The following CD4 variants were observed in gnomAD, a reference collection of about 807,000 sequenced individuals.
CD4 encodes the protein T-cell surface glycoprotein CD4.
Under a neutral mutation model 50.5 loss-of-function variants are expected in CD4, and 25 were observed. The observed-to-expected ratio is 0.49, with a 90% CI of 0.36 to 0.69. The LOEUF (loss-of-function observed/expected upper bound fraction) is 0.69, where lower values mean the gene tolerates loss of function less well. Among genes scored for constraint, CD4 ranks in the 30% least tolerant of loss-of-function variants. The pLI is 0.00. For missense variants in CD4, 456 were observed against 548.5 expected (o/e 0.83, Z 1.68); for synonymous variants, 207 against 221.9 (o/e 0.93, Z 0.60).
chr12:6,793,685 TATCTATCTATCTATC>T lies in CD4; in HGVS notation c.-68+4024_-68+4038del, dbSNP rs1565488122. 1.2e-4 allele frequency among the ~76,000 whole-genome samples: 12 copies of T among 101,476 alleles called. 1 individual carries two copies. Among genetic ancestry groups the T allele is most frequent in the African/African-American group, 4.8e-4 (12 of 25,230 alleles). The allele number at this position is 101,476 out of a possible 152,430, so 66.6% of individuals were successfully genotyped here. On this transcript the variant is annotated intron_variant, in intron 1 of 9. Coordinates refer to ENST00000011653, the MANE Select transcript of CD4 (RefSeq NM_000616.5). Reference sequence around the variant, plus strand: ...CTATCTATCTATCTATCTATCTATCTATCTATCTATCTATCTATCTTTTTTTTTTTTGAGACAAAA... The same window carrying T: ...CTATCTATCTATCTATCTATCTATCTTATCTTTTTTTTTTTTGAGACAAAA...
chr12:6,818,889 GAGA>G lies in CD4; in HGVS notation c.1328_1330del (p.Lys443del), dbSNP rs1555118567. On this transcript the variant is annotated inframe_deletion, in exon 9 of 10. Coordinates refer to ENST00000011653, the MANE Select transcript of CD4 (RefSeq NM_000616.5). The surrounding 1 kb of genome is among the most constrained non-coding windows in gnomAD (Gnocchi z 5.0). ...GTCTCAGATCAAGAGACTCCTCAGT[GAGA>G]AGAAGACCTGCCAGTGTCCTCAGTA... 3 of 1,593,830 alleles carry G rather than the reference GAGA, an allele frequency of 1.9e-6. No individual in the cohort carries two copies. Among genetic ancestry groups the G allele is most frequent in the African/African-American group, 1.4e-5 (1 of 73,992 alleles).
intron 3 of CD4, among the ~76,000 whole-genome samples, chr12:6,811,480 C>CTTTTCT (rs1942934709): frequency 7.2e-6 from 1 of 139,720 alleles, no homozygotes; most frequent in East Asian, 2.2e-4. Context: ...TTTCTTTTTT[C>CTTTTCT]TTTTCTTTTT....
At position 6,814,309 on chromosome 12, in the gene CD4, G is replaced by C; in HGVS notation, c.373+9G>C. ...ATTGCTAGTGTTCGGATGTGAGTGG[G>C]GCAGGTGGGGATGAGGATACCTCCT... On this transcript the variant is annotated intron_variant, in intron 4 of 9. Transcript: ENST00000011653. The C allele has an allele frequency of 6.2e-7, 1 of 1,612,346 alleles. No homozygotes were observed. The highest frequency in any genetic ancestry group is 1.1e-5 in the South Asian group (1 of 90,936).
intron 3 of CD4, among the ~76,000 whole-genome samples, chr12:6,808,489 T>A (rs10849522): frequency 0.14 from 18,368 of 127,372 alleles, 2,496 homozygotes; most frequent in African/African-American, 0.36. Context: ...AAAAGTGAAG[T>A]TTACCTTTTT....
chr12:6,809,890 C>CT (rs33952514), intron 3 of CD4, among the ~76,000 whole-genome samples: 6,708 of 125,908 alleles, frequency 0.053, 665 homozygotes, highest in African/African-American at 0.17. Context: ...GCCTATACCT[C>CT]TTTTTTTTTT....
At chr12:6,794,457 C>T (rs1415143106) in intron 1 of CD4, among the ~76,000 whole-genome samples, 10 of 151,614 alleles carry the variant, frequency 6.6e-5, no homozygotes, top group African/African-American at 2.4e-4. Flanking sequence ...CTGCAACCTC[C>T]GCCTCCCGGG....
rs1039185971 is a variant in CD4 at position 6,815,662 on chromosome 12, G to A, written c.608-394G>A. 32 of 1,162,668 alleles carry A rather than the reference G, an allele frequency of 2.8e-5. No individual in the cohort carries two copies. The African/African-American group carries it at 2.8e-4, about 10-fold the overall frequency. 72.0% of individuals were successfully genotyped at this position (1,162,668 alleles called of 1,614,324 possible). ...CGTATTAAGTTGAGGACTGATATAC[G>A]TAAGGCACTGAAAATGGTGCCTGGC... is the stretch of plus-strand genomic sequence containing the variant. On this transcript the variant is annotated intron_variant, in intron 5 of 9. Coordinates refer to ENST00000011653, the MANE Select transcript of CD4 (RefSeq NM_000616.5).
chr12:6,817,115 C>G lies in CD4; in HGVS notation c.956-15C>G. On this transcript the variant is annotated splice_polypyrimidine_tract_variant and intron_variant, in intron 6 of 9. Coordinates refer to ENST00000011653, the MANE Select transcript of CD4 (RefSeq NM_000616.5). ...AATCTCAGGCCTTTGATCTCAGCCT[C>G]TCGTTCCTCTGCAGCCACTCAGCTC... is the stretch of plus-strand genomic sequence containing the variant. 6.2e-7 allele frequency: 1 copy of G among 1,611,058 alleles called. No individual in the cohort carries two copies. The highest frequency in any genetic ancestry group is 1.1e-5 in the South Asian group (1 of 91,020).
intron 1 of CD4, among the ~76,000 whole-genome samples, chr12:6,796,936 C>T (rs1942391422): frequency 6.6e-6 from 1 of 152,210 alleles, no homozygotes; most frequent in East Asian, 1.9e-4. Flanking sequence ...CCTCCGAAGC[C>T]TCCTCGCACA....
At chr12:6,802,939 C>G (rs1455458728) in intron 3 of CD4, among the ~76,000 whole-genome samples, 4 of 151,928 alleles carry the variant, frequency 2.6e-5, no homozygotes, top group African/African-American at 9.7e-5. Flanking sequence ...TTCCACCATG[C>G]TAGCAGGATG....
chr12:6,814,433 C>T, intron 4 of CD4, 133 bp downstream of exon 4: 1 of 906,614 alleles, frequency 1.1e-6, no homozygotes, highest in African/African-American at 1.7e-5. Flanking sequence ...TCAAACTGGC[C>T]TCCAAATGTC....
At chr12:6,802,281 A>T (rs1942587868) in intron 3 of CD4, among the ~76,000 whole-genome samples, 1 of 151,516 alleles carries the variant, frequency 6.6e-6, no homozygotes, top group Non-Finnish European at 1.5e-5. Flanking sequence ...TCACTCAGAG[A>T]TATCCTCTGC....
Position 6,819,583 on chromosome 12 carries a change from T to G in CD4, c.*254T>G. ...TTCAAGCCTAGCCCTTCTCTCATTA[T>G]TTCTCTCTGACCCTCTCCCCACTGC... is the stretch of plus-strand genomic sequence containing the variant. On this transcript the variant is annotated 3_prime_UTR_variant, in exon 10 of 10. Coordinates refer to ENST00000011653, the MANE Select transcript of CD4 (RefSeq NM_000616.5). The G allele has an allele frequency of 1.8e-6, 1 of 542,790 alleles. No homozygotes were observed. Among genetic ancestry groups the G allele is most frequent in the Non-Finnish European group, 3.3e-6 (1 of 300,712 alleles). The allele number at this position is 542,790 out of a possible 1,614,324, so 33.6% of individuals were successfully genotyped here.
In CD4 at chr12:6,813,965, C is replaced by T. The variant is rs1299517960; in HGVS notation, c.215-177C>T. On this transcript the variant is annotated intron_variant, in intron 3 of 9. Transcript: ENST00000011653. ...TTGTATTTGTGAGCTACTGTCCCAG[C>T]CAGGTAAATGGATATGATGAGACCT... 5.0e-6 allele frequency: 3 copies of T among 597,382 alleles called. No homozygotes were observed. In the African/African-American group the frequency reaches 5.5e-5, roughly 11 times the overall value. 37.0% of individuals were successfully genotyped at this position (597,382 alleles called of 1,614,324 possible).
At chr12:6,807,856 G>A (rs1555116422) in intron 3 of CD4, among the ~76,000 whole-genome samples, 4 of 152,116 alleles carry the variant, frequency 2.6e-5, no homozygotes, top group African/African-American at 9.7e-5. Context: ...TGAGACGGGT[G>A]GATGGCTTGA....
chr12:6,798,695 T>A (rs1387152900), intron 1 of CD4, among the ~76,000 whole-genome samples: 1 of 152,226 alleles, frequency 6.6e-6, no homozygotes, highest in African/African-American at 2.4e-5. Flanking sequence ...TCACGCTGTA[T>A]CAGGCCCCAA....
chr12:6,818,009 C>T lies in CD4; in HGVS notation c.1157-412C>T, dbSNP rs782300222. Reference sequence around the variant, plus strand: ...ACGCGCGCGCACATGCATGCAGTCACGCACACACATTCATACACGCACACA... The same window carrying T: ...ACGCGCGCGCACATGCATGCAGTCATGCACACACATTCATACACGCACACA... On this transcript the variant is annotated intron_variant, in intron 7 of 9. Transcript: ENST00000011653. The surrounding 1 kb of genome is among the most constrained non-coding windows in gnomAD (Gnocchi z 5.0). 3.9e-5 allele frequency among the ~76,000 whole-genome samples: 6 copies of T among 152,122 alleles called. No homozygotes were observed. Among genetic ancestry groups the T allele is most frequent in the East Asian group, 1.9e-4 (1 of 5,174 alleles).
chr12:6,818,163 A>C lies in CD4; in HGVS notation c.1157-258A>C, dbSNP rs1440748900. Among the ~76,000 whole-genome samples, 3 of 152,128 alleles carry C rather than the reference A, an allele frequency of 2.0e-5. No homozygotes were observed. Among genetic ancestry groups the C allele is most frequent in the African/African-American group, 7.2e-5 (3 of 41,422 alleles). On this transcript the variant is annotated intron_variant, in intron 7 of 9. Transcript: ENST00000011653. This position sits in a 1 kb window ranked among gnomAD's most constrained non-coding sequence, Gnocchi z 5.0. ...CACATGCACACACTCACACATGCAC[A>C]CACACATGCACTCACACACACAGCC...
Position 6,800,165 on chromosome 12 carries a change from C to T in CD4, c.27C>T (p.His9=). ...TGAACCGGGGAGTCCCTTTTAGGCA[C>T]TTGCTTCTGGTGCTGCAACTGGGTA... MNRGVPFR[H]LLLVLQLALL... The change falls in exon 2 of 10, where the codon CAC becomes CAT. Residue 9 remains histidine, a synonymous_variant. Coordinates refer to ENST00000011653, the MANE Select transcript of CD4 (RefSeq NM_000616.5). 1.9e-6 allele frequency: 3 copies of T among 1,614,084 alleles called. No individual in the cohort carries two copies. Among genetic ancestry groups the T allele is most frequent in the African/African-American group, 2.7e-5 (2 of 75,024 alleles).
Sources: allele counts gnomAD v4.1 joint callset (sites outside exome capture counted in the v4.1 genomes callset), GRCh38; gene constraint gnomAD v4.1.1; non-coding constraint Gnocchi (gnomAD v3.1); transcripts MANE v1.5; gene names NCBI Gene and HGNC (gene_info 2026-07-23, HGNC 2026-07-21).